Variants in TNPO3 observed in about 807,000 individuals in gnomAD.
TNPO3 encodes transportin-3.
A neutral mutation model predicts 122.8 loss-of-function variants in TNPO3; 65 were observed. That is an observed-to-expected ratio of 0.53 (90% CI 0.43 to 0.65). The LOEUF is 0.65. TNPO3 is among the 30% of genes least tolerant of loss of function. TNPO3 has a pLI of 0.00. For synonymous variants in TNPO3, 372 were observed against 411.2 expected, an observed-to-expected ratio of 0.90 and a Z score of 1.15; for missense variants, 850 against 1,136.7, an observed-to-expected ratio of 0.75 and a Z score of 3.63.
At chr7:128,994,030 T>G in intron 8 of TNPO3, 116 bp from the exon 9 acceptor site, 2 of 911,374 alleles carry the variant, frequency 2.2e-6, no homozygotes, top group Non-Finnish European at 3.3e-6. Flanking sequence ...TGAACAAAAG[T>G]TGCCTAAATC....
At chr7:129,041,475 T>C (rs1807374782) in intron 1 of TNPO3, 2 of 904,720 alleles carry the variant, frequency 2.2e-6, no homozygotes, top group African/African-American at 1.8e-5. Context: ...TCCCCTCTGC[T>C]AAACAGCAGA....
chr7:128,993,556 A>G (rs1252989829), intron 9 of TNPO3, among the ~76,000 whole-genome samples: 3 of 152,238 alleles, frequency 2.0e-5, no homozygotes, highest in Non-Finnish European at 2.9e-5. Context: ...CCAGCTGTAC[A>G]AGTGGAACAG....
At chr7:129,048,906 T>C (rs1360972071) in intron 1 of TNPO3, among the ~76,000 whole-genome samples, 4 of 152,234 alleles carry the variant, frequency 2.6e-5, no homozygotes, top group Non-Finnish European at 5.9e-5. Context: ...CTATGGGTAT[T>C]GGACTACATA....
At chr7:129,044,961 G>A (rs1300285097) in intron 1 of TNPO3, among the ~76,000 whole-genome samples, 1 of 152,138 alleles carries the variant, frequency 6.6e-6, no homozygotes, top group Non-Finnish European at 1.5e-5. Context: ...GTCCATTGAT[G>A]GATAAATGGA....
chr7:129,045,598 CA>C (rs1200517712), intron 1 of TNPO3, among the ~76,000 whole-genome samples: 4 of 150,066 alleles, frequency 2.7e-5, no homozygotes, highest in Non-Finnish European at 4.4e-5. Flanking sequence ...CCATAAACAT[CA>C]GTGCAATCAA....
chr7:128,996,795 T>C (rs1054631864), intron 8 of TNPO3, among the ~76,000 whole-genome samples: 1 of 151,782 alleles, frequency 6.6e-6, no homozygotes, highest in African/African-American at 2.4e-5. Flanking sequence ...ATTCTGATTT[T>C]TCTCTTACCA....
At chr7:128,979,275 T>C (rs564363519) in intron 15 of TNPO3, 152 bp from the exon 16 acceptor site, 559 of 847,606 alleles carry the variant, frequency 6.6e-4, no homozygotes, top group South Asian at 1.0e-3. Context: ...TCAGGTTCAA[T>C]AGACTACCCA....
At position 129,053,473 on chromosome 7, in the gene TNPO3, C is replaced by T. The variant is rs931123715; in HGVS notation, c.120+1178G>A. 3.7e-5 allele frequency among the ~76,000 whole-genome samples: 5 copies of T among 135,830 alleles called. No individual in the cohort carries two copies. In the South Asian group the frequency reaches 9.1e-4, roughly 25 times the overall value. The allele number at this position is 135,830 out of a possible 152,430, so 89.1% of individuals were successfully genotyped here. A position where few individuals can be genotyped will look rare whatever the true frequency, so the allele number is the denominator to read the frequency against. ...TGGGACCACTGCACTCCAGCCTGGG[C>T]GACAAAGCGAGACTCTGTCTCAAAA... On this transcript the variant is annotated intron_variant, in intron 1 of 22. Coordinates refer to ENST00000265388, the MANE Select transcript of TNPO3 (RefSeq NM_012470.4).
intron 18 of TNPO3, among the ~76,000 whole-genome samples, chr7:128,973,600 G>A (rs1040499463): frequency 2.0e-5 from 3 of 151,102 alleles, no homozygotes; most frequent in Admixed American, 1.3e-4. Context: ...GCTGGGTGTG[G>A]TGGCGGGTGC....
chr7:128,982,233 A>G lies in TNPO3; in HGVS notation c.1859+15T>C, dbSNP rs561835365. 1 of 1,608,974 alleles carries G rather than the reference A, an allele frequency of 6.2e-7. No individual in the cohort carries two copies. Among genetic ancestry groups the G allele is most frequent in the Non-Finnish European group, 8.5e-7 (1 of 1,176,194 alleles). ...CCTTTAACCCAAGTAAGGCATCCAG[A>G]GTCTCCTTTCTTACCTAAATATCAC... On this transcript the variant is annotated intron_variant, in intron 14 of 22. Transcript: ENST00000265388.
At chr7:129,044,118 C>T (rs1807735450) in intron 1 of TNPO3, among the ~76,000 whole-genome samples, 1 of 152,176 alleles carries the variant, frequency 6.6e-6, no homozygotes, top group South Asian at 2.1e-4. Flanking sequence ...TCTCTGAATG[C>T]TTATTTATAT....
At chr7:129,016,846 C>T (rs1367348712) in intron 3 of TNPO3, 137 bp downstream of exon 3, 2 of 691,092 alleles carry the variant, frequency 2.9e-6, no homozygotes, top group East Asian at 5.5e-5. Flanking sequence ...TTCATTTAAT[C>T]TAACAAAGGT....
At chr7:128,990,121 C>T (rs1388319637) in intron 10 of TNPO3, 21 bp from the exon 11 acceptor site, 1 of 1,614,148 alleles carries the variant, frequency 6.2e-7, no homozygotes, top group South Asian at 1.1e-5. Context: ...GCGGTAAGTA[C>T]TCACAGTTAC....
intron 16 of TNPO3, among the ~76,000 whole-genome samples, chr7:128,976,834 A>G (rs1326257441): frequency 6.6e-6 from 1 of 152,366 alleles, no homozygotes; most frequent in Admixed American, 6.5e-5. Context: ...ATGCCATGGA[A>G]TGAGCATGAG....
At chr7:129,004,800 A>C (rs1802388255) in intron 5 of TNPO3, among the ~76,000 whole-genome samples, 1 of 152,244 alleles carries the variant, frequency 6.6e-6, no homozygotes, top group African/African-American at 2.4e-5. Context: ...TCAACATATA[A>C]GACTGTTTTC....
chr7:128,963,238 G>C (rs2172876), intron 21 of TNPO3, among the ~76,000 whole-genome samples: 74,281 of 151,990 alleles, frequency 0.49, 18,353 homozygotes, highest in African/African-American at 0.51. Context: ...CAAAGTAATA[G>C]GGTATGTGGC....
In TNPO3 at chr7:128,967,338, C is replaced by T. The variant is rs545012511; in HGVS notation, c.2653G>A (p.Val885Met). The T allele has an allele frequency of 8.1e-6, 13 of 1,614,038 alleles. No homozygotes were observed. The highest frequency in any genetic ancestry group is 2.2e-5 in the South Asian group (2 of 91,070). The change falls in exon 21 of 23, where the codon GTG (valine) becomes ATG (methionine). Residue 885 changes from valine to methionine, a missense_variant. Coordinates refer to ENST00000265388, the MANE Select transcript of TNPO3 (RefSeq NM_012470.4). ...TTGTGTGTCACTGTGACGGCTCCCA[C>T]GGTTGTTTCCTTTGGCAAACCTTTT... ...SLKGLPKETT[V>M]GAVTVTHKQL...
At position 129,012,496 on chromosome 7, in the gene TNPO3, C is replaced by T. The variant is rs75915225; in HGVS notation, c.552+2483G>A. On this transcript the variant is annotated intron_variant, in intron 4 of 22. Transcript: ENST00000265388. Reference sequence around the variant, plus strand: ...CAAAACTTTTTGAGTGCCAACATAACGCTCAAAGGGAATGCTCACTGGAGC... The same window carrying T: ...CAAAACTTTTTGAGTGCCAACATAATGCTCAAAGGGAATGCTCACTGGAGC... Among the ~76,000 whole-genome samples the T allele has an allele frequency of 4.7e-4, 72 of 152,232 alleles. 1 individual carries two copies. The East Asian group carries it at 0.013, about 28-fold the overall frequency.
Position 128,990,040 on chromosome 7 carries a change from T to C in TNPO3, c.1419A>G (p.Val473=). ...LEGVVRLPET[V]HTAVRYTSIE... ...TGCTGGTGTATCGCACAGCCGTATGTACGGTCTCCGGGAGGCGGACAACTC... is the reference window on the plus strand; with the variant it reads ...TGCTGGTGTATCGCACAGCCGTATGCACGGTCTCCGGGAGGCGGACAACTC... Residue 473 remains valine, a synonymous_variant, in exon 11 of 23, where the codon GTA becomes GTG. Transcript: ENST00000265388. 6.2e-7 allele frequency: 1 copy of C among 1,614,246 alleles called. No homozygotes were observed. The highest frequency in any genetic ancestry group is 8.5e-7 in the Non-Finnish European group (1 of 1,180,046).
Sources: gnomAD v4.1 joint callset for allele counts (sites outside exome capture counted in the v4.1 genomes callset) on GRCh38, gnomAD v4.1.1 for gene constraint, MANE v1.5 for transcripts, NCBI Gene and HGNC (gene_info 2026-07-23, HGNC 2026-07-21) for gene names.